SAXO1: variants seen among roughly 807,000 people sequenced by gnomAD.
SAXO1 encodes 4930500O09Rik.
SAXO1 carries 21 observed loss-of-function variants against 17.5 expected under a neutral mutation model. That is an observed-to-expected ratio of 1.20 (90% confidence interval 0.85 to 1.72). SAXO1 has a LOEUF of 1.72. SAXO1 is among the 40% of genes most tolerant of loss of function. SAXO1 has a pLI of 0.00. For missense variants in SAXO1, 843 were observed against 596.0 expected, an observed-to-expected ratio of 1.41 and a Z score of -4.32; for synonymous variants, 274 against 216.5, an observed-to-expected ratio of 1.27 and a Z score of -2.33.
At chr9:19,003,991 T>A (rs1834389682) in intron 1 of SAXO1, among the ~76,000 whole-genome samples, 1 of 152,018 alleles carries the variant, frequency 6.6e-6, no homozygotes, top group Non-Finnish European at 1.5e-5. Flanking sequence ...AATCTATCCA[T>A]CTAACAAAGG....
intron 3 of SAXO1, among the ~76,000 whole-genome samples, chr9:18,935,613 C>A (rs552118416): frequency 6.6e-6 from 1 of 152,178 alleles, no homozygotes; most frequent in Non-Finnish European, 1.5e-5. Flanking sequence ...CCCATATGCA[C>A]AGCCTTCCCG....
At chr9:18,948,342 GA>G (rs1186439761) in intron 2 of SAXO1, among the ~76,000 whole-genome samples, 1 of 152,160 alleles carries the variant, frequency 6.6e-6, no homozygotes, top group Non-Finnish European at 1.5e-5. Flanking sequence ...TTTAGGGTAG[GA>G]AATAAAAAGA....
chr9:18,949,467 T>A (rs529214251), intron 2 of SAXO1, among the ~76,000 whole-genome samples: 2,629 of 151,482 alleles, frequency 0.017, 80 homozygotes, highest in African/African-American at 0.061. Flanking sequence ...AAAAAAAAAA[T>A]TTTTTTTAAG....
chr9:19,048,555 T>C (rs1217759795), intron 1 of SAXO1, among the ~76,000 whole-genome samples: 4 of 152,220 alleles, frequency 2.6e-5, no homozygotes, highest in Non-Finnish European at 5.9e-5. Context: ...ACTGATTCAC[T>C]CATCTACTTG....
intron 1 of SAXO1, among the ~76,000 whole-genome samples, chr9:18,979,251 A>T (rs1025664640): frequency 6.6e-6 from 1 of 152,242 alleles, no homozygotes; most frequent in African/African-American, 2.4e-5. Flanking sequence ...ATTATTATAT[A>T]AATTGTTGAA....
intron 1 of SAXO1, among the ~76,000 whole-genome samples, chr9:18,966,118 G>A (rs1388797935): frequency 6.6e-6 from 1 of 152,248 alleles, no homozygotes; most frequent in Non-Finnish European, 1.5e-5. Context: ...TCTGCTGTTA[G>A]TCTGATGGGC....
intron 1 of SAXO1, among the ~76,000 whole-genome samples, chr9:18,960,893 G>C (rs1832456102): frequency 6.6e-6 from 1 of 152,132 alleles, no homozygotes; most frequent in Non-Finnish European, 1.5e-5. Flanking sequence ...GTCAGATAAG[G>C]GGTTCCCATT....
intron 3 of SAXO1, among the ~76,000 whole-genome samples, chr9:18,931,148 C>G (rs1395237381): frequency 6.6e-6 from 1 of 152,166 alleles, no homozygotes; most frequent in African/African-American, 2.4e-5. Flanking sequence ...GCCAAAAATA[C>G]CAATTATCTT....
In SAXO1 at chr9:18,993,713, C is replaced by T. The variant is rs190186296; in HGVS notation, c.38+39158G>A. On this transcript the variant is annotated intron_variant, in intron 1 of 3. Coordinates refer to ENST00000380534, the MANE Select transcript of SAXO1 (RefSeq NM_153707.4). ...GTAAGAATGTAGAAGGCAAGGCGAA[C>T]CAACAGTCATCAAGACCTTCATATG... Among the ~76,000 whole-genome samples the T allele has an allele frequency of 1.4e-3, 210 of 152,250 alleles. 1 individual carries two copies. The highest frequency in any genetic ancestry group is 2.6e-3 in the Non-Finnish European group (174 of 67,994).
Position 19,032,798 on chromosome 9 carries a change from G to C in SAXO1, c.38+73C>G. The C allele has an allele frequency of 2.0e-6, 3 of 1,538,028 alleles. No homozygotes were observed. The South Asian group carries it at 3.5e-5, about 18-fold the overall frequency. ...GTGATGCCGCCTGATGAAGCAGCTGGGGGAGGCTTCCCTTCCTCGGGAGTC... is the reference window on the plus strand; with the variant it reads ...GTGATGCCGCCTGATGAAGCAGCTGCGGGAGGCTTCCCTTCCTCGGGAGTC... On this transcript the variant is annotated intron_variant, in intron 1 of 3. Coordinates refer to ENST00000380534, the MANE Select transcript of SAXO1 (RefSeq NM_153707.4).
intron 3 of SAXO1, 146 bp downstream of exon 3, chr9:18,941,491 A>G (rs756546837): frequency 1.5e-4 from 123 of 812,940 alleles, no homozygotes; most frequent in Non-Finnish European, 2.2e-4. Flanking sequence ...CCAGCTATAC[A>G]AAAACAGGCT....
rs1183482543 is a variant in SAXO1 at position 18,928,057 on chromosome 9, C to A, written c.1420G>T (p.Ala474Ser). The change falls in exon 4 of 4, where the codon GCC becomes TCC. Residue 474 changes from alanine to serine, a missense_variant. Physicochemically the swap from Ala to Ser is moderately conservative, Grantham distance 99 (BLOSUM62 1). Transcript: ENST00000380534. The stretch of plus-strand genomic sequence containing the variant: ...TAAATTACTATTTTTCAAAATCAGG[C>A]TAACACTTCCAACTCCCTCTGGTTG... The part of the protein sequence containing the change: ...NPNQRELEVL[A>S] The A allele has an allele frequency of 2.5e-6, 4 of 1,586,074 alleles. No homozygotes were observed. The highest frequency in any genetic ancestry group is 1.1e-5 in the South Asian group (1 of 88,470).
At chr9:18,959,975 G>C (rs1283004073) in intron 1 of SAXO1, among the ~76,000 whole-genome samples, 1 of 152,096 alleles carries the variant, frequency 6.6e-6, no homozygotes, top group Admixed American at 6.5e-5. Flanking sequence ...GATGAGAGAA[G>C]CCCTGTTGGA....
chr9:18,942,704 A>T (rs936958170), intron 2 of SAXO1, among the ~76,000 whole-genome samples: 5 of 152,028 alleles, frequency 3.3e-5, no homozygotes, highest in African/African-American at 1.2e-4. Context: ...TCCCTCCCCA[A>T]AGCATCCCAG....
intron 1 of SAXO1, among the ~76,000 whole-genome samples, chr9:19,014,532 G>A (rs966129858): frequency 6.6e-6 from 1 of 150,908 alleles, no homozygotes; most frequent in African/African-American, 2.4e-5. Flanking sequence ...TTGCCTGATA[G>A]GAGTTTTAGA....
At chr9:18,964,417 TG>T (rs1368010491) in intron 1 of SAXO1, among the ~76,000 whole-genome samples, 1 of 152,212 alleles carries the variant, frequency 6.6e-6, no homozygotes, top group Non-Finnish European at 1.5e-5. Flanking sequence ...TTTTTTTGGT[TG>T]GTGGACTATT....
intron 1 of SAXO1, among the ~76,000 whole-genome samples, chr9:19,029,183 G>A (rs1835648533): frequency 6.6e-6 from 1 of 152,176 alleles, no homozygotes; most frequent in African/African-American, 2.4e-5. Flanking sequence ...TCGCCAACAA[G>A]TACAATGTCC....
Position 18,938,848 on chromosome 9 carries a change from G to A in SAXO1, c.421+2789C>T, listed in dbSNP as rs191692561. 8.2e-3 allele frequency among the ~76,000 whole-genome samples: 1,238 copies of A among 151,782 alleles called. 8 individuals are homozygous for A. The highest frequency in any genetic ancestry group is 0.012 in the Non-Finnish European group (813 of 67,870). ...TGTGTGTGTGTGTGTGTGTGTGTGT[G>A]TGTGTATGTGTGTGTGTGTTGAGCG... On this transcript the variant is annotated intron_variant, in intron 3 of 3. Transcript: ENST00000380534.
chr9:18,978,902 C>G (rs1000456214), intron 1 of SAXO1, among the ~76,000 whole-genome samples: 23 of 152,182 alleles, frequency 1.5e-4, no homozygotes, highest in African/African-American at 5.3e-4. Context: ...CCTGAAGTTA[C>G]TCTCTTTTCA....
Sources: gnomAD v4.1 joint callset for allele counts (sites outside exome capture counted in the v4.1 genomes callset) on GRCh38, gnomAD v4.1.1 for gene constraint, MANE v1.5 for transcripts, NCBI Gene and HGNC (gene_info 2026-07-23, HGNC 2026-07-21) for gene names.